Variants in NUP35 observed in about 807,000 individuals in gnomAD.
NUP35 encodes the protein nucleoporin 35.
In NUP35, 25 loss-of-function variants were observed where a neutral mutation model predicts 41.5. The observed-to-expected ratio is 0.60, with a 90% CI of 0.44 to 0.84. The LOEUF (loss-of-function observed/expected upper bound fraction) is 0.84. Among genes scored for constraint, NUP35 ranks in the 40% least tolerant of loss-of-function variants. The pLI, the probability that NUP35 is intolerant of heterozygous loss-of-function variation, is 0.00. For missense variants in NUP35, 396 were observed against 396.6 expected (o/e 1.00, Z 0.01); for synonymous variants, 149 against 130.7 (o/e 1.14, Z -0.96).
intron 2 of NUP35, among the ~76,000 whole-genome samples, chr2:183,129,282 G>A (rs2675108): frequency 0.49 from 74,692 of 151,986 alleles, 19,751 homozygotes; most frequent in African/African-American, 0.68. Flanking sequence ...TGCAGCCTGT[G>A]TTTATTACAG....
intron 4 of NUP35, among the ~76,000 whole-genome samples, chr2:183,142,079 T>TG (rs1685114500): frequency 1.3e-5 from 2 of 152,206 alleles, no homozygotes; most frequent in African/African-American, 4.8e-5. Flanking sequence ...CTTCCAGTGT[T>TG]CTGTGGAAGC....
intron 4 of NUP35, among the ~76,000 whole-genome samples, chr2:183,144,728 G>A (rs559882091): frequency 2.0e-5 from 3 of 152,332 alleles, no homozygotes; most frequent in South Asian, 4.1e-4. Flanking sequence ...AGCATGGCAT[G>A]TGGGCATCAG....
intron 4 of NUP35, among the ~76,000 whole-genome samples, chr2:183,137,571 G>A (rs1684920535): frequency 6.6e-6 from 1 of 152,196 alleles, no homozygotes; most frequent in Admixed American, 6.5e-5. Context: ...GGGTGACAGA[G>A]TGAGACCTTG....
At position 183,157,527 on chromosome 2, in the gene NUP35, T is replaced by C. The variant is rs776029238; in HGVS notation, c.609+14T>C. 6.4e-7 allele frequency: 1 copy of C among 1,567,336 alleles called. No individual in the cohort carries two copies. The highest frequency in any genetic ancestry group is 8.8e-7 in the Non-Finnish European group (1 of 1,138,730). The stretch of plus-strand genomic sequence containing the variant: ...TTAAAACATGTGGTAAGGCTTAATT[T>C]TTTTCAGTTCAGAGTTTTGACTAAA... On this transcript the variant is annotated intron_variant, in intron 6 of 8. Coordinates refer to ENST00000295119, the MANE Select transcript of NUP35 (RefSeq NM_138285.5).
upstream of NUP35, among the ~76,000 whole-genome samples, chr2:183,121,461 T>C: frequency 6.6e-6 from 1 of 152,022 alleles, no homozygotes; most frequent in East Asian, 1.9e-4. Flanking sequence ...AAGAGCCTGT[T>C]GAAAGGGTAA....
At chr2:183,117,969 G>A (rs936863975) in intron 1 of NUP35, among the ~76,000 whole-genome samples, 1 of 152,192 alleles carries the variant, frequency 6.6e-6, no homozygotes. Context: ...TCCAAACCAA[G>A]TATTTCAAGA....
upstream of NUP35, chr2:183,124,269 C>T: frequency 7.3e-7 from 1 of 1,377,054 alleles, no homozygotes; most frequent in South Asian, 1.8e-5. Flanking sequence ...AAACCCTTTC[C>T]TCGGAAATTC....
At chr2:183,131,490 G>C (rs1231957607) in intron 3 of NUP35, 2 of 152,200 alleles carry the variant, frequency 1.3e-5, no homozygotes, top group African/African-American at 4.8e-5. Flanking sequence ...CTATTTATAG[G>C]CTTGATATGT....
chr2:183,159,390 T>G, intron 7 of NUP35, 98 bp from the exon 8 acceptor site: 1 of 940,186 alleles, frequency 1.1e-6, no homozygotes, highest in Non-Finnish European at 1.5e-6. Flanking sequence ...ATAAAGTATT[T>G]CATCTTTATC....
chr2:183,158,537 T>A (rs1685757590), intron 7 of NUP35, 126 bp downstream of exon 7: 16 of 841,970 alleles, frequency 1.9e-5, no homozygotes, highest in Non-Finnish European at 2.8e-5. Flanking sequence ...TAAAATGTGA[T>A]GATGTTTATA....
intron 8 of NUP35, chr2:183,160,132 G>A (rs1367187767): frequency 6.4e-6 from 1 of 157,100 alleles, no homozygotes; most frequent in African/African-American, 2.4e-5. Flanking sequence ...TTTGAAGAAT[G>A]GTAGAAGTAT....
intron 5 of NUP35, among the ~76,000 whole-genome samples, chr2:183,154,052 C>G (rs1035797986): frequency 1.5e-5 from 2 of 134,086 alleles, no homozygotes; most frequent in African/African-American, 5.1e-5. Context: ...AAGCCACAGC[C>G]CAGGCTCTAC....
At chr2:183,156,532 G>T (rs1179018064) in intron 5 of NUP35, among the ~76,000 whole-genome samples, 1 of 151,970 alleles carries the variant, frequency 6.6e-6, no homozygotes, top group Admixed American at 6.6e-5. Flanking sequence ...GTAGAGGCGG[G>T]GTTTCACCAG....
intron 4 of NUP35, among the ~76,000 whole-genome samples, chr2:183,140,684 A>G (rs1330893870): frequency 1.3e-5 from 2 of 152,028 alleles, no homozygotes; most frequent in Non-Finnish European, 1.5e-5. Context: ...TTAGCCAAGC[A>G]TGGTGGTGGA....
chr2:183,157,693 G>A (rs1048979645), intron 6 of NUP35, among the ~76,000 whole-genome samples, 180 bp downstream of exon 6: 5 of 152,024 alleles, frequency 3.3e-5, no homozygotes, highest in Non-Finnish European at 7.4e-5. Flanking sequence ...GATAAAAAGA[G>A]ATATAGTGAG....
In NUP35 at chr2:183,151,764, C is replaced by A. The variant is rs1333359374; in HGVS notation, c.539+115C>A. 3 of 878,856 alleles carry A rather than the reference C, an allele frequency of 3.4e-6. No homozygotes were observed. The African/African-American group carries it at 5.1e-5, about 15-fold the overall frequency. 54.4% of individuals were successfully genotyped at this position (878,856 alleles called of 1,614,324 possible). ...TGCATAGCAAACACCCATATTACTA[C>A]CACCTAGGTTCTATGGTTAACAGTT... On this transcript the variant is annotated intron_variant, in intron 5 of 8. Transcript: ENST00000295119.
chr2:183,135,240 C>T (rs1684834893), intron 4 of NUP35, among the ~76,000 whole-genome samples: 1 of 152,166 alleles, frequency 6.6e-6, no homozygotes. Flanking sequence ...TGGGGACCTA[C>T]CCAGCTTATT....
chr2:183,157,508 CAT>C lies in NUP35; in HGVS notation c.605_606del (p.His202ArgfsTer4), dbSNP rs766532973. The stretch of plus-strand genomic sequence containing the variant: ...TGCACAGTATGGGAATATCTTAAAA[CAT>C]GTGGTAAGGCTTAATTTTTTTCAGT... ...QFAQYGNILK[H>X]VMSNTGNWMH... On this transcript the variant is annotated frameshift_variant, in exon 6 of 9. Transcript: ENST00000295119. LOFTEE classifies it high-confidence loss of function. The C allele has an allele frequency of 1.4e-5, 22 of 1,605,618 alleles. No individual in the cohort carries two copies. Among genetic ancestry groups the C allele is most frequent in the South Asian group, 7.7e-5 (7 of 90,736 alleles).
intron 5 of NUP35, among the ~76,000 whole-genome samples, chr2:183,155,415 A>G (rs1685622605): frequency 6.6e-6 from 1 of 151,924 alleles, no homozygotes; most frequent in African/African-American, 2.4e-5. Flanking sequence ...TTCCAGAGAG[A>G]TTTTATGTGT....
Sources: allele counts gnomAD v4.1 joint callset (sites outside exome capture counted in the v4.1 genomes callset), GRCh38; gene constraint gnomAD v4.1.1; transcripts MANE v1.5; gene names NCBI Gene and HGNC (gene_info 2026-07-23, HGNC 2026-07-21).